LETM1: variants seen among roughly 807,000 people sequenced by gnomAD.
LETM1 encodes mitochondrial proton/calcium exchanger protein.
In LETM1, 50 loss-of-function variants were observed where a neutral mutation model predicts 74.5. The ratio of observed to expected loss-of-function variants is 0.67; its 90% confidence interval spans 0.53 to 0.85. The LOEUF (loss-of-function observed/expected upper bound fraction) is 0.85, where lower values mean the gene tolerates loss of function less well. LETM1 is among the 40% of genes least tolerant of loss of function. LETM1 has a pLI of 0.00. For missense variants in LETM1, 824 were observed against 967.8 expected, an observed-to-expected ratio of 0.85 and a Z score of 1.97; for synonymous variants, 446 against 407.1, an observed-to-expected ratio of 1.10 and a Z score of -1.15.
Position 1,831,120 on chromosome 4 carries a change from C to G in LETM1, c.1080+1624G>C, listed in dbSNP as rs144168968. 9.5e-4 allele frequency among the ~76,000 whole-genome samples: 144 copies of G among 152,354 alleles called. No homozygotes were observed. In the Middle Eastern group the frequency reaches 0.017, roughly 18 times the overall value. ...CAAGGAAGGCAGCCATCGTCCCCCC[C>G]AGCTTACTGCTCCCCATGGGTGTGG... On this transcript the variant is annotated intron_variant, in intron 6 of 13. Transcript: ENST00000302787.
In LETM1 at chr4:1,841,383, G is replaced by A. The variant is rs1712684943; in HGVS notation, c.558C>T (p.Leu186=). 2 of 1,613,816 alleles carry A rather than the reference G, an allele frequency of 1.2e-6. No individual in the cohort carries two copies. Among genetic ancestry groups the A allele is most frequent in the Middle Eastern group, 1.6e-4 (1 of 6,062 alleles). The change falls in exon 3 of 14, where the codon CTC becomes CTT. Residue 186 remains leucine (L), a synonymous_variant. Coordinates refer to ENST00000302787, the MANE Select transcript of LETM1 (RefSeq NM_012318.3). Reference sequence around the variant, plus strand: ...CCCGGCGGGTCAGGCTGTGGCCGTTGAGGATGCGCCAGAGCATGCGTGCCG... The same window carrying A: ...CCCGGCGGGTCAGGCTGTGGCCGTTAAGGATGCGCCAGAGCATGCGTGCCG... ...KIAARMLWRI[L]NGHSLTRRER...
chr4:1,837,185 G>A (rs1005433875), intron 3 of LETM1, among the ~76,000 whole-genome samples: 1 of 152,126 alleles, frequency 6.6e-6, no homozygotes, highest in Non-Finnish European at 1.5e-5. Flanking sequence ...CTGCTCACAG[G>A]GGTCCCTTGG....
chr4:1,819,313 A>G, intron 11 of LETM1, 25 bp downstream of exon 11: 1 of 1,589,256 alleles, frequency 6.3e-7, no homozygotes, highest in Non-Finnish European at 8.6e-7. Flanking sequence ...GCAGTCTCAG[A>G]GTCCAGGGAG....
chr4:1,836,669 C>A lies in LETM1; in HGVS notation c.595-97G>T, dbSNP rs1712472348. ...CTCCTATAATGGTTTATAGGCACAA[C>A]CTCAGGCAGCGACTCACAGGACCCA... On this transcript the variant is annotated intron_variant, in intron 3 of 13. Transcript: ENST00000302787. This position sits in a 1 kb window ranked among gnomAD's most constrained non-coding sequence, Gnocchi z 5.8. 4.4e-6 allele frequency: 6 copies of A among 1,350,460 alleles called. No individual in the cohort carries two copies. Among genetic ancestry groups the A allele is most frequent in the Admixed American group, 2.0e-5 (1 of 49,380 alleles). The allele number at this position is 1,350,460 out of a possible 1,614,324, so 83.7% of individuals were successfully genotyped here. A position where few individuals can be genotyped will look rare whatever the true frequency, so the allele number is the denominator to read the frequency against.
At chr4:1,815,105 T>G (rs1711518404) in intron 13 of LETM1, among the ~76,000 whole-genome samples, 1 of 152,208 alleles carries the variant, frequency 6.6e-6, no homozygotes, top group Admixed American at 6.5e-5. Flanking sequence ...GGAAAATTGG[T>G]GTGCGCACTC....
chr4:1,827,967 G>A (rs1249906175), intron 6 of LETM1, among the ~76,000 whole-genome samples: 2 of 148,200 alleles, frequency 1.3e-5, no homozygotes, highest in Non-Finnish European at 3.0e-5. Context: ...CCGGGCAGAG[G>A]GGCTCCCCAC....
intron 1 of LETM1, among the ~76,000 whole-genome samples, chr4:1,853,610 CAAG>C (rs1358354506): frequency 6.6e-6 from 1 of 152,192 alleles, no homozygotes; most frequent in African/African-American, 2.4e-5. Context: ...GAGAGGCAAT[CAAG>C]AAGGGTGGTA....
At position 1,836,219 on chromosome 4, in the gene LETM1, AAAATAAAT is replaced by A. The variant is rs576104116; in HGVS notation, c.738+202_738+209del. On this transcript the variant is annotated intron_variant, in intron 4 of 13. Coordinates refer to ENST00000302787, the MANE Select transcript of LETM1 (RefSeq NM_012318.3). This position sits in a 1 kb window ranked among gnomAD's most constrained non-coding sequence, Gnocchi z 5.8. ...GGTGACAGAGCGAGACCCTGTTTCA[AAAATAAAT>A]AAATAAATAAATAAATAACGAAATA... Among the ~76,000 whole-genome samples the A allele has an allele frequency of 5.9e-5, 9 of 152,162 alleles. No individual in the cohort carries two copies. Among genetic ancestry groups the A allele is most frequent in the Non-Finnish European group, 1.2e-4 (8 of 68,026 alleles).
Position 1,834,648 on chromosome 4 carries a change from C to T in LETM1, c.876+197G>A. 7.1e-7 allele frequency: 1 copy of T among 1,412,812 alleles called. No individual in the cohort carries two copies. The highest frequency in any genetic ancestry group is 9.2e-7 in the Non-Finnish European group (1 of 1,086,546). 87.5% of individuals were successfully genotyped at this position (1,412,812 alleles called of 1,614,324 possible). A position where few individuals can be genotyped will look rare whatever the true frequency, so the allele number is the denominator to read the frequency against. On this transcript the variant is annotated intron_variant, in intron 5 of 13. Transcript: ENST00000302787. The surrounding 1 kb of genome is among the most constrained non-coding windows in gnomAD (Gnocchi z 5.0). ...CTGAAGGCTGACGAGGCGCAGCCAC[C>T]ACAGCTTAACTCACTGGGAGCTCGT...
chr4:1,833,309 ACCTG>A, intron 5 of LETM1: 1 of 287,052 alleles, frequency 3.5e-6, no homozygotes, highest in Non-Finnish European at 6.8e-6. Context: ...ACCTCAAGTC[ACCTG>A]CCCAGCTTGG....
intron 3 of LETM1, among the ~76,000 whole-genome samples, chr4:1,840,700 T>A (rs958509633): frequency 1.3e-5 from 2 of 149,324 alleles, no homozygotes; most frequent in African/African-American, 5.0e-5. Flanking sequence ...AATATAAAAA[T>A]AATAATAATA....
Position 1,836,874 on chromosome 4 carries a change from G to A in LETM1, c.595-302C>T, listed in dbSNP as rs1333777816. On this transcript the variant is annotated intron_variant, in intron 3 of 13. Coordinates refer to ENST00000302787, the MANE Select transcript of LETM1 (RefSeq NM_012318.3). This position sits in a 1 kb window ranked among gnomAD's most constrained non-coding sequence, Gnocchi z 5.8. Reference sequence around the variant, plus strand: ...GGACACCGGCCAGCACTCTGGGCTCGGGGGCCAGCAAGTGAGGGCTGCAGG... The same window carrying A: ...GGACACCGGCCAGCACTCTGGGCTCAGGGGCCAGCAAGTGAGGGCTGCAGG... Among the ~76,000 whole-genome samples, 3 of 152,216 alleles carry A rather than the reference G, an allele frequency of 2.0e-5. No homozygotes were observed. Among genetic ancestry groups the A allele is most frequent in the South Asian group, 2.1e-4 (1 of 4,812 alleles).
chr4:1,830,025 C>T (rs1411463289), intron 6 of LETM1, among the ~76,000 whole-genome samples: 1 of 152,194 alleles, frequency 6.6e-6, no homozygotes, highest in East Asian at 1.9e-4. Flanking sequence ...AGATTTACAT[C>T]TTTAACTGAG....
At chr4:1,835,898 C>A (rs1325898248) in intron 4 of LETM1, among the ~76,000 whole-genome samples, 1 of 152,152 alleles carries the variant, frequency 6.6e-6, no homozygotes, top group East Asian at 1.9e-4. Context: ...GGCAACATAG[C>A]AGATCTTGTC....
At chr4:1,845,157 C>T (rs533855661) in intron 2 of LETM1, among the ~76,000 whole-genome samples, 1 of 152,128 alleles carries the variant, frequency 6.6e-6, no homozygotes, top group East Asian at 1.9e-4. Flanking sequence ...GCCACTACAC[C>T]CCAGCCTGGG....
chr4:1,850,362 G>A (rs1037256456), intron 1 of LETM1, among the ~76,000 whole-genome samples: 6 of 152,114 alleles, frequency 3.9e-5, no homozygotes, highest in African/African-American at 1.4e-4. Context: ...CAAGAGGGAA[G>A]CCAAGCAGGC....
rs1712403188 is a variant in LETM1 at position 1,834,742 on chromosome 4, A to G, written c.876+103T>C. On this transcript the variant is annotated intron_variant, in intron 5 of 13. Coordinates refer to ENST00000302787, the MANE Select transcript of LETM1 (RefSeq NM_012318.3). This position sits in a 1 kb window ranked among gnomAD's most constrained non-coding sequence, Gnocchi z 5.0. ...CTGGGTAAACTTTCAAGCGCCAGCC[A>G]GCACCTGGGGGAGCTCCACTCTGCT... 1.3e-6 allele frequency: 2 copies of G among 1,538,896 alleles called. No individual in the cohort carries two copies. Among genetic ancestry groups the G allele is most frequent in the African/African-American group, 1.4e-5 (1 of 72,626 alleles).
chr4:1,843,404 G>A (rs531694670), intron 2 of LETM1, among the ~76,000 whole-genome samples: 46 of 152,344 alleles, frequency 3.0e-4, no homozygotes, highest in African/African-American at 1.1e-3. Context: ...GCCCAGAGAG[G>A]GCAGTGCGGC....
chr4:1,818,728 T>C (rs1470142768), intron 11 of LETM1, among the ~76,000 whole-genome samples: 3 of 152,108 alleles, frequency 2.0e-5, no homozygotes, highest in Non-Finnish European at 2.9e-5. Context: ...TTTCACGTAA[T>C]CATGAATAAG....
Sources: gnomAD v4.1 joint callset for allele counts (sites outside exome capture counted in the v4.1 genomes callset) on GRCh38, gnomAD v4.1.1 for gene constraint, Gnocchi (gnomAD v3.1) non-coding constraint, MANE v1.5 for transcripts, NCBI Gene and HGNC (gene_info 2026-07-23, HGNC 2026-07-21) for gene names.